The following FREM3 variants were observed in gnomAD, a reference collection of about 807,000 sequenced individuals.
The protein encoded by FREM3 is FRAS1-related extracellular matrix protein 3.
FREM3 carries 105 observed loss-of-function variants against 129.1 expected under a neutral mutation model. The ratio of observed to expected loss-of-function variants is 0.81; its 90% confidence interval spans 0.69 to 0.96. FREM3 has a LOEUF of 0.96. Among genes scored for constraint, FREM3 ranks in the 40% least tolerant of loss-of-function variants. The pLI, the probability that FREM3 is intolerant of heterozygous loss-of-function variation, is 0.00. For synonymous variants in FREM3, 1,014 were observed against 1,044.9 expected, an observed-to-expected ratio of 0.97 and a Z score of 0.57; for missense variants, 2,593 against 2,666.3, an observed-to-expected ratio of 0.97 and a Z score of 0.61.
chr4:143,700,161 C>G lies in FREM3; in HGVS notation c.515G>C (p.Arg172Pro). The G allele has an allele frequency of 2.0e-6, 3 of 1,537,044 alleles. No homozygotes were observed. Among genetic ancestry groups the G allele is most frequent in the Non-Finnish European group, 2.6e-6 (3 of 1,146,912 alleles). ...CTTCTCCACTACCAAAGGCCTGTTA[C>G]GCGTCACCAGCTCCAGCTGGGAGAA... ...LVFSQLELVT[R>P]NRPLVVEKLR... The change falls in exon 1 of 8, where the codon CGT becomes CCT. Residue 172 changes from arginine to proline, a missense_variant. By Grantham distance (103) the Arg-to-Pro change is moderately radical. This residue lies in a region of FREM3 where 2,276 missense variants were observed against 2,267.2 expected (regional missense o/e 1.00). Transcript: ENST00000329798.
At chr4:143,680,718 A>G (rs1042705057) in intron 2 of FREM3, among the ~76,000 whole-genome samples, 1 of 152,144 alleles carries the variant, frequency 6.6e-6, no homozygotes, top group Non-Finnish European at 1.5e-5. Flanking sequence ...CATGGATCTC[A>G]TAATTTGACT....
chr4:143,604,003 T>C (rs1365304353), intron 6 of FREM3, among the ~76,000 whole-genome samples: 1 of 152,114 alleles, frequency 6.6e-6, no homozygotes, highest in African/African-American at 2.4e-5. Context: ...AGGTGGAAAG[T>C]GTTTGGGTCA....
intron 2 of FREM3, among the ~76,000 whole-genome samples, chr4:143,642,309 A>G (rs1739335037): frequency 6.6e-6 from 1 of 152,140 alleles, no homozygotes; most frequent in Non-Finnish European, 1.5e-5. Context: ...ACAATAATAG[A>G]ATTTATATAG....
chr4:143,696,057 AAGAT>A lies in FREM3; in HGVS notation c.4615_4618del (p.Ile1539Ter). On this transcript the variant is annotated frameshift_variant, in exon 1 of 8. Coordinates refer to ENST00000329798, the MANE Select transcript of FREM3 (RefSeq NM_001168235.2). LOFTEE classifies it high-confidence loss of function. Reference sequence around the variant, plus strand: ...CTGTAGTGTTAGTCTATGGATGGTCAAGATAGGTTTCTTATTATCCACATCAGTG... The same window carrying A: ...CTGTAGTGTTAGTCTATGGATGGTCAAGGTTTCTTATTATCCACATCAGTG... 6.5e-7 allele frequency: 1 copy of A among 1,537,694 alleles called. No homozygotes were observed. Among genetic ancestry groups the A allele is most frequent in the Non-Finnish European group, 8.7e-7 (1 of 1,147,020 alleles).
chr4:143,587,401 G>A (rs10032932), intron 6 of FREM3, among the ~76,000 whole-genome samples: 107,832 of 152,164 alleles, frequency 0.71, 40,243 homozygotes, highest in Non-Finnish European at 0.83. Context: ...CATACAGCAG[G>A]CAGGTGGCCT....
At chr4:143,631,145 A>C (rs1396952780) in intron 2 of FREM3, among the ~76,000 whole-genome samples, 1 of 152,150 alleles carries the variant, frequency 6.6e-6, no homozygotes, top group Non-Finnish European at 1.5e-5. Flanking sequence ...CCAAATACCA[A>C]CTTCTTGTTA....
chr4:143,619,546 A>G (rs1191724830), intron 5 of FREM3, among the ~76,000 whole-genome samples: 1 of 152,206 alleles, frequency 6.6e-6, no homozygotes, highest in Non-Finnish European at 1.5e-5. Flanking sequence ...CCCCATGTAT[A>G]GGATGAAAGT....
intron 2 of FREM3, among the ~76,000 whole-genome samples, chr4:143,630,260 C>T (rs747464457): frequency 3.9e-5 from 6 of 152,102 alleles, no homozygotes; most frequent in Admixed American, 2.0e-4. Context: ...TTCTTATCAT[C>T]ATGGTTTTAA....
chr4:143,648,049 C>T (rs1739449387), intron 2 of FREM3, among the ~76,000 whole-genome samples: 3 of 152,218 alleles, frequency 2.0e-5, no homozygotes, highest in Non-Finnish European at 4.4e-5. Context: ...CATGGGAGCC[C>T]ACCTCGTGCA....
chr4:143,640,869 C>G (rs1315977569), intron 2 of FREM3, among the ~76,000 whole-genome samples: 4 of 152,054 alleles, frequency 2.6e-5, no homozygotes, highest in African/African-American at 4.8e-5. Context: ...ATAAAAATGA[C>G]TTACATGTCC....
intron 2 of FREM3, 67 bp downstream of exon 2, chr4:143,693,046 T>A (rs1242705028): frequency 3.8e-6 from 3 of 793,692 alleles, no homozygotes; most frequent in Non-Finnish European, 3.8e-6. Context: ...ATGATTTAAT[T>A]TTTTTTCCAA....
At chr4:143,607,936 C>CATTCCTAGACAT (rs1249247634) in intron 6 of FREM3, among the ~76,000 whole-genome samples, 5 of 152,166 alleles carry the variant, frequency 3.3e-5, no homozygotes, top group Non-Finnish European at 5.9e-5. Context: ...CCTTTTCTAG[C>CATTCCTAGACAT]TTCTAAAGGC....
intron 2 of FREM3, among the ~76,000 whole-genome samples, chr4:143,677,218 G>C (rs1201367012): frequency 1.3e-5 from 2 of 152,110 alleles, no homozygotes; most frequent in African/African-American, 4.8e-5. Flanking sequence ...GAACAGAACA[G>C]AGCCCTCAGA....
intron 7 of FREM3, among the ~76,000 whole-genome samples, chr4:143,582,948 A>G (rs1332510835): frequency 1.3e-5 from 2 of 149,200 alleles, no homozygotes; most frequent in African/African-American, 5.0e-5. Flanking sequence ...GCTGGAATGT[A>G]TGGCTCATCA....
intron 2 of FREM3, among the ~76,000 whole-genome samples, chr4:143,640,530 C>T (rs1461541963): frequency 4.6e-5 from 7 of 152,072 alleles, no homozygotes; most frequent in Admixed American, 2.6e-4. Flanking sequence ...ATTAGCTGGG[C>T]GTGGTGACAC....
chr4:143,689,649 C>T (rs755559976), intron 2 of FREM3, among the ~76,000 whole-genome samples: 10 of 151,516 alleles, frequency 6.6e-5, no homozygotes, highest in East Asian at 1.9e-4. Context: ...CATCAATAAA[C>T]GAGTGGATAA....
Position 143,695,496 on chromosome 4 carries a change from G to C in FREM3, c.5180C>G (p.Thr1727Arg), listed in dbSNP as rs1354601704. 2.6e-6 allele frequency: 4 copies of C among 1,536,468 alleles called. No individual in the cohort carries two copies. The highest frequency in any genetic ancestry group is 2.6e-6 in the Non-Finnish European group (3 of 1,146,384). Residue 1727 changes from threonine to arginine, a missense_variant, in exon 1 of 8, where the codon ACA becomes AGA. Physicochemically the swap from Thr to Arg is moderately conservative, Grantham distance 71. Around this residue, in one of 2 missense-constraint regions of FREM3, gnomAD observed 2,276 missense variants for 2,267.2 expected, o/e 1.00. Coordinates refer to ENST00000329798, the MANE Select transcript of FREM3 (RefSeq NM_001168235.2). ...AGGGAAGAATACATACTAACCTTGTGTAAACACTCGAGTGCTCTGGTTTCC... is the reference window on the plus strand; with the variant it reads ...AGGGAAGAATACATACTAACCTTGTCTAAACACTCGAGTGCTCTGGTTTCC... ...GLGNQSTRVF[T>R]QADIDEMKIS...
intron 6 of FREM3, among the ~76,000 whole-genome samples, chr4:143,591,746 T>C (rs1416540726): frequency 6.6e-6 from 1 of 152,188 alleles, no homozygotes; most frequent in Non-Finnish European, 1.5e-5. Context: ...TCTGTAGATG[T>C]CTATGAGGTC....
intron 2 of FREM3, among the ~76,000 whole-genome samples, chr4:143,647,483 G>A (rs1739439150): frequency 6.6e-6 from 1 of 152,150 alleles, no homozygotes; most frequent in South Asian, 2.1e-4. Flanking sequence ...AGGTCCAGAG[G>A]CCTAGGGGGC....
Sources: gnomAD v4.1 joint callset for allele counts (sites outside exome capture counted in the v4.1 genomes callset) on GRCh38, gnomAD v4.1.1 for gene constraint, gnomAD v4.1.1 regional missense constraint, MANE v1.5 for transcripts, NCBI Gene and HGNC (gene_info 2026-07-23, HGNC 2026-07-21) for gene names.